Variants in LRMDA observed in about 807,000 individuals in gnomAD.
LRMDA encodes the protein leucine rich melanocyte differentiation associated, also known as leucine-rich melanocyte differentiation-associated protein.
In LRMDA, 18 loss-of-function variants were observed where a neutral mutation model predicts 29.8. That is an observed-to-expected ratio of 0.60 (90% CI 0.42 to 0.90). The LOEUF is 0.90. Ranked by LOEUF, LRMDA falls within the 40% of genes least tolerant of loss-of-function variation. The pLI is 0.00. For synonymous variants in LRMDA, 125 were observed against 109.4 expected, an observed-to-expected ratio of 1.14 and a Z score of -0.89; for missense variants, 273 against 273.9, an observed-to-expected ratio of 1.00 and a Z score of 0.02.
intron 2 of LRMDA, among the ~76,000 whole-genome samples, chr10:75,758,667 T>A (rs959215015): frequency 1.3e-5 from 2 of 152,236 alleles, no homozygotes; most frequent in African/African-American, 4.8e-5. Flanking sequence ...TAGAGTTTTG[T>A]GAGTGTAGTC....
intron 6 of LRMDA, among the ~76,000 whole-genome samples, chr10:76,471,029 T>C (rs1436840964): frequency 6.6e-6 from 1 of 151,842 alleles, no homozygotes; most frequent in South Asian, 2.1e-4. Context: ...GTAAATGTAA[T>C]ATATTTGACA....
At chr10:75,438,348 G>A (rs938089470) in intron 1 of LRMDA, 46 bp from the exon 2 acceptor site, 4 of 1,420,502 alleles carry the variant, frequency 2.8e-6, no homozygotes, top group Non-Finnish European at 3.9e-6. Context: ...GGAGCAGCTG[G>A]GTGATTTCCA....
intron 2 of LRMDA, among the ~76,000 whole-genome samples, chr10:75,744,944 C>G (rs1842872532): frequency 6.6e-6 from 1 of 152,182 alleles, no homozygotes; most frequent in African/African-American, 2.4e-5. Context: ...CTGTCACTTC[C>G]CTGCTGACAT....
intron 5 of LRMDA, among the ~76,000 whole-genome samples, chr10:76,097,399 T>G (rs1849329598): frequency 6.6e-6 from 1 of 152,208 alleles, no homozygotes; most frequent in East Asian, 1.9e-4. Flanking sequence ...TTCTACCACT[T>G]AGAACAACAG....
chr10:75,632,255 G>A (rs1200808610), intron 2 of LRMDA, among the ~76,000 whole-genome samples: 2 of 152,190 alleles, frequency 1.3e-5, no homozygotes, highest in African/African-American at 4.8e-5. Context: ...AAGATGATTA[G>A]GGAAAGGTAT....
chr10:75,956,336 G>A (rs1246696107), intron 2 of LRMDA, among the ~76,000 whole-genome samples: 1 of 152,212 alleles, frequency 6.6e-6, no homozygotes, highest in Non-Finnish European at 1.5e-5. Flanking sequence ...TAAATGGTCT[G>A]TGAACTTAAA....
chr10:75,801,519 G>C (rs888266436), intron 2 of LRMDA, among the ~76,000 whole-genome samples: 1 of 152,176 alleles, frequency 6.6e-6, no homozygotes, highest in Non-Finnish European at 1.5e-5. Flanking sequence ...CCTTCTATTA[G>C]TTGTTTATAT....
chr10:76,426,627 T>G (rs1842129050), intron 6 of LRMDA, among the ~76,000 whole-genome samples: 1 of 152,252 alleles, frequency 6.6e-6, no homozygotes, highest in Non-Finnish European at 1.5e-5. Context: ...TTTGTCAATT[T>G]TGGCTTTTGT....
At chr10:76,412,970 C>T (rs1841978416) in intron 6 of LRMDA, among the ~76,000 whole-genome samples, 1 of 152,128 alleles carries the variant, frequency 6.6e-6, no homozygotes, top group Non-Finnish European at 1.5e-5. Flanking sequence ...TACAGCTGTT[C>T]TCCTGGTCAG....
intron 5 of LRMDA, among the ~76,000 whole-genome samples, chr10:76,205,670 G>T (rs578190987): frequency 1.3e-5 from 2 of 152,252 alleles, no homozygotes; most frequent in Admixed American, 6.5e-5. Context: ...TTTTCTTTGT[G>T]GGGGTGCGGG....
At chr10:76,071,420 T>G (rs752936929) in intron 5 of LRMDA, among the ~76,000 whole-genome samples, 1 of 152,226 alleles carries the variant, frequency 6.6e-6, no homozygotes, top group Non-Finnish European at 1.5e-5. Flanking sequence ...CTCATTCTAA[T>G]TTTTAGTCAT....
intron 6 of LRMDA, among the ~76,000 whole-genome samples, chr10:76,463,916 A>ATTTTTTTTTTTTTT (rs1842537059): frequency 2.0e-5 from 1 of 49,890 alleles, no homozygotes; most frequent in Non-Finnish European, 5.4e-5. Context: ...GTGCAAAATA[A>ATTTTTTTTTTTTTT]ATTTTTTTTT....
At chr10:75,563,913 G>A (rs546772862) in intron 2 of LRMDA, among the ~76,000 whole-genome samples, 14 of 152,050 alleles carry the variant, frequency 9.2e-5, no homozygotes, top group Admixed American at 6.5e-4. Context: ...AGGAGTACCC[G>A]GCCGTGTGAG....
rs567948281 is a variant in LRMDA at position 76,262,364 on chromosome 10, G to A, written c.517-62037G>A. On this transcript the variant is annotated intron_variant, in intron 5 of 6. Coordinates refer to ENST00000611255, the MANE Select transcript of LRMDA (RefSeq NM_001305581.2). ...CCCAGCCTGCTCCACTCATGTACGCGCTTCTCATCAACATGCTTTATTTTC... is the reference window on the plus strand; with the variant it reads ...CCCAGCCTGCTCCACTCATGTACGCACTTCTCATCAACATGCTTTATTTTC... Among the ~76,000 whole-genome samples, 15 of 152,268 alleles carry A rather than the reference G, an allele frequency of 9.9e-5. No individual in the cohort carries two copies. The East Asian group carries it at 1.9e-3, about 20-fold the overall frequency.
chr10:75,756,082 T>C, intron 2 of LRMDA, among the ~76,000 whole-genome samples: 1 of 152,206 alleles, frequency 6.6e-6, no homozygotes. Flanking sequence ...AGGGAGAGTG[T>C]AGCTTGTCTT....
At chr10:76,210,261 C>T (rs1329599189) in intron 5 of LRMDA, among the ~76,000 whole-genome samples, 1 of 152,162 alleles carries the variant, frequency 6.6e-6, no homozygotes, top group African/African-American at 2.4e-5. Flanking sequence ...CCTGCTACTA[C>T]AACAAGCAGG....
rs113401048 is a variant in LRMDA, at chr10:75,584,614, C to T, written c.131+146120C>T. On this transcript the variant is annotated intron_variant, in intron 2 of 6. Transcript: ENST00000611255. ...GGGCTAGTGAGGTCTGGGGTGGTCT[C>T]TTGAAGAAGGTAGCATGTGGTTTAG... 5.6e-4 allele frequency among the ~76,000 whole-genome samples: 85 copies of T among 152,096 alleles called. 1 individual carries two copies. Among genetic ancestry groups the T allele is most frequent in the African/African-American group, 2.0e-3 (82 of 41,488 alleles).
intron 6 of LRMDA, among the ~76,000 whole-genome samples, chr10:76,374,619 C>G (rs186171732): frequency 6.6e-6 from 1 of 152,080 alleles, no homozygotes; most frequent in Non-Finnish European, 1.5e-5. Context: ...CTTGAGTATA[C>G]GACACAAATA....
chr10:75,797,229 A>G (rs369677308), intron 2 of LRMDA, among the ~76,000 whole-genome samples: 1 of 152,190 alleles, frequency 6.6e-6, no homozygotes, highest in Non-Finnish European at 1.5e-5. Context: ...GTTTACCTAA[A>G]TTTTTGAATT....
Sources: gnomAD v4.1 joint callset for allele counts (sites outside exome capture counted in the v4.1 genomes callset) on GRCh38, gnomAD v4.1.1 for gene constraint, MANE v1.5 for transcripts, NCBI Gene and HGNC (gene_info 2026-07-23, HGNC 2026-07-21) for gene names.